The following HSD11B1 variants were observed in gnomAD, a reference collection of about 807,000 sequenced individuals.
The protein encoded by HSD11B1 is hydroxysteroid 11-beta dehydrogenase 1.
HSD11B1 carries 15 observed loss-of-function variants against 22.1 expected under a neutral mutation model. That is an observed-to-expected ratio of 0.68 (90% confidence interval 0.45 to 1.04). HSD11B1 has a LOEUF of 1.04. Ranked by LOEUF, HSD11B1 falls within the 50% of genes least tolerant of loss-of-function variation. HSD11B1 has a pLI of 0.00. For missense variants in HSD11B1, 281 were observed against 357.6 expected, an observed-to-expected ratio of 0.79 and a Z score of 1.73; for synonymous variants, 122 against 125.2, an observed-to-expected ratio of 0.97 and a Z score of 0.17.
intron 4 of HSD11B1, among the ~76,000 whole-genome samples, chr1:209,713,208 G>A (rs1319131620): frequency 6.6e-6 from 1 of 152,096 alleles, no homozygotes; most frequent in African/African-American, 2.4e-5. Flanking sequence ...CTGGCAGTAG[G>A]AAAATAACTA....
rs2102402293 is a variant in HSD11B1 at position 209,732,532 on chromosome 1, G to A, written c.614G>A (p.Arg205Lys). The change falls in exon 5 of 6, where the codon AGG becomes AAG. Residue 205 changes from arginine to lysine, a missense_variant. Coordinates refer to ENST00000367027, the MANE Select transcript of HSD11B1 (RefSeq NM_005525.4). ...ATCAGAAAGGAATATTCAGTGTCCA[G>A]GGTCAATGTATCAATCACTCTCTGT... The part of the protein sequence containing the change: ...SSIRKEYSVS[R>K]VNVSITLCVL... 6.2e-7 allele frequency: 1 copy of A among 1,613,984 alleles called. No individual in the cohort carries two copies.
chr1:209,691,338 A>T (rs2076758628), intron 1 of HSD11B1, among the ~76,000 whole-genome samples: 1 of 152,256 alleles, frequency 6.6e-6, no homozygotes, highest in African/African-American at 2.4e-5. Context: ...GATGTTAAAA[A>T]TGTGAAACAT....
upstream of HSD11B1, among the ~76,000 whole-genome samples, chr1:209,700,855 G>A (rs756624596): frequency 3.9e-5 from 6 of 152,182 alleles, no homozygotes; most frequent in Non-Finnish European, 8.8e-5. Flanking sequence ...TAGGGCAGGG[G>A]CAAATGCCAA....
At chr1:209,726,028 G>T (rs2076998701) in intron 4 of HSD11B1, among the ~76,000 whole-genome samples, 1 of 152,018 alleles carries the variant, frequency 6.6e-6, no homozygotes, top group Non-Finnish European at 1.5e-5. Context: ...TTGCATAATA[G>T]TTCATTTTTT....
At chr1:209,712,097 A>T (rs1032189129) in intron 4 of HSD11B1, among the ~76,000 whole-genome samples, 1 of 152,208 alleles carries the variant, frequency 6.6e-6, no homozygotes, top group Non-Finnish European at 1.5e-5. Flanking sequence ...CTTACCAAGG[A>T]GTTTGAGAAG....
At chr1:209,710,060 A>G (rs2076885563) in intron 4 of HSD11B1, among the ~76,000 whole-genome samples, 1 of 152,126 alleles carries the variant, frequency 6.6e-6, no homozygotes, top group Non-Finnish European at 1.5e-5. Context: ...ACAGTGGGGT[A>G]GGAGAAAGAA....
At chr1:209,728,196 C>T (rs2077015067) in intron 4 of HSD11B1, among the ~76,000 whole-genome samples, 1 of 152,192 alleles carries the variant, frequency 6.6e-6, no homozygotes, top group Non-Finnish European at 1.5e-5. Context: ...ATTAGAAATT[C>T]ACCAATAGCT....
chr1:209,728,185 GA>G (rs2077015000), intron 4 of HSD11B1, among the ~76,000 whole-genome samples: 1 of 152,138 alleles, frequency 6.6e-6, no homozygotes, highest in South Asian at 2.1e-4. Flanking sequence ...CTAACTTTGA[GA>G]TTAGAAATTC....
In HSD11B1 at chr1:209,732,599, T is replaced by G. The variant is rs78093453; in HGVS notation, c.661+20T>G. On this transcript the variant is annotated intron_variant, in intron 5 of 5. Transcript: ENST00000367027. Reference sequence around the variant, plus strand: ...ACACAGGTAAGGTCAATACTTTGTGTTTTTTTTTAATTATTATACTTTAAG... The same window carrying G: ...ACACAGGTAAGGTCAATACTTTGTGGTTTTTTTTAATTATTATACTTTAAG... The G allele has an allele frequency of 1.6e-4, 258 of 1,579,010 alleles. No homozygotes were observed. Among genetic ancestry groups the G allele is most frequent in the African/African-American group, 2.4e-4 (17 of 69,506 alleles).
chr1:209,700,451 C>T (rs2076819892), upstream of HSD11B1, among the ~76,000 whole-genome samples: 1 of 152,216 alleles, frequency 6.6e-6, no homozygotes, highest in African/African-American at 2.4e-5. Context: ...ACACAGGGCA[C>T]CAAGTCCCTA....
intron 5 of HSD11B1, 101 bp from the exon 6 acceptor site, chr1:209,734,203 T>C: frequency 1.1e-6 from 1 of 881,844 alleles, no homozygotes; most frequent in Non-Finnish European, 1.8e-6. Context: ...GAGCAAACAC[T>C]GCCAAAAGCC....
chr1:209,719,639 T>C (rs1485429813), intron 4 of HSD11B1, among the ~76,000 whole-genome samples: 1 of 152,232 alleles, frequency 6.6e-6, no homozygotes. Context: ...CTCCCACTTA[T>C]GAGTGAGAAC....
chr1:209,690,653 C>T (rs142119402), intron 1 of HSD11B1, among the ~76,000 whole-genome samples: 2,085 of 152,078 alleles, frequency 0.014, 47 homozygotes, highest in African/African-American at 0.047. Context: ...GCCAAGATCG[C>T]GCCATTGCAC....
At chr1:209,725,652 A>T (rs2076996023) in intron 4 of HSD11B1, among the ~76,000 whole-genome samples, 1 of 152,146 alleles carries the variant, frequency 6.6e-6, no homozygotes, top group Non-Finnish European at 1.5e-5. Context: ...ATGTTCAACA[A>T]GCTTAGGCCA....
chr1:209,731,666 GA>G (rs2077036534), intron 4 of HSD11B1, among the ~76,000 whole-genome samples: 1 of 152,142 alleles, frequency 6.6e-6, no homozygotes, highest in Non-Finnish European at 1.5e-5. Context: ...CCAGTCTGGT[GA>G]ACATTTTTTT....
chr1:209,726,431 T>C (rs766662449), intron 4 of HSD11B1, among the ~76,000 whole-genome samples: 18 of 152,028 alleles, frequency 1.2e-4, no homozygotes, highest in Middle Eastern at 3.4e-3. Flanking sequence ...AGTAAGACGT[T>C]GTCTCTACAA....
rs539835925 is a variant in HSD11B1, at chr1:209,710,302, G to C, written c.517+3174G>C. 2.6e-5 allele frequency among the ~76,000 whole-genome samples: 4 copies of C among 152,276 alleles called. No homozygotes were observed. The South Asian group carries it at 8.3e-4, about 32-fold the overall frequency. ...GGTGAATCCCATCACTGTGGTGTGT[G>C]TCATCAGTTGCACACATGGCAGCTA... On this transcript the variant is annotated intron_variant, in intron 4 of 5. Transcript: ENST00000367027.
chr1:209,693,160 T>G (rs2076771341), intron 1 of HSD11B1, among the ~76,000 whole-genome samples: 1 of 152,168 alleles, frequency 6.6e-6, no homozygotes, highest in African/African-American at 2.4e-5. Flanking sequence ...CAGTTCCCTA[T>G]TAGGTCAGTT....
chr1:209,721,211 C>A (rs2076963634), intron 4 of HSD11B1, among the ~76,000 whole-genome samples: 2 of 152,082 alleles, frequency 1.3e-5, no homozygotes, highest in Non-Finnish European at 2.9e-5. Flanking sequence ...TTGTCTTAAG[C>A]CACCCAGTTT....
Sources: allele counts gnomAD v4.1 joint callset (sites outside exome capture counted in the v4.1 genomes callset), GRCh38; gene constraint gnomAD v4.1.1; transcripts MANE v1.5; gene names NCBI Gene and HGNC (gene_info 2026-07-23, HGNC 2026-07-21).